EYA4: variants seen among roughly 807,000 people sequenced by gnomAD.
EYA4 encodes the protein EYA transcriptional coactivator and phosphatase 4, also known as protein phosphatase EYA4.
In EYA4, 31 loss-of-function variants were observed where a neutral mutation model predicts 87.9. The observed-to-expected ratio is 0.35, with a 90% confidence interval of 0.27 to 0.48. The LOEUF (loss-of-function observed/expected upper bound fraction) is 0.48, where lower values mean the gene tolerates loss of function less well. Among genes scored for constraint, EYA4 ranks in the 20% least tolerant of loss-of-function variants. The probability of loss-of-function intolerance (pLI) is 0.99; values close to 1 mark genes in which losing one functional copy is unlikely to be tolerated. For missense variants in EYA4, 678 were observed against 761.4 expected, an observed-to-expected ratio of 0.89 and a Z score of 1.29; for synonymous variants, 263 against 270.6, an observed-to-expected ratio of 0.97 and a Z score of 0.28.
intron 2 of EYA4, among the ~76,000 whole-genome samples, chr6:133,279,675 CTT>C (rs1051374473): frequency 4.6e-5 from 7 of 152,016 alleles, no homozygotes; most frequent in Admixed American, 3.3e-4. Flanking sequence ...TTATCTCTCT[CTT>C]GTTTTTCCTT....
At chr6:133,488,111 G>A (rs1796834980) in intron 13 of EYA4, among the ~76,000 whole-genome samples, 1 of 152,196 alleles carries the variant, frequency 6.6e-6, no homozygotes, top group African/African-American at 2.4e-5. Flanking sequence ...CTTGCCATGG[G>A]CCTGGAGCAG....
At chr6:133,511,109 G>A (rs2128775781) in intron 14 of EYA4, among the ~76,000 whole-genome samples, 1 of 152,286 alleles carries the variant, frequency 6.6e-6, no homozygotes, top group South Asian at 2.1e-4. Context: ...AGAAGGTACT[G>A]ATTGGGCTAG....
intron 17 of EYA4, among the ~76,000 whole-genome samples, chr6:133,522,314 G>T (rs1362137919): frequency 6.6e-6 from 1 of 150,502 alleles, no homozygotes; most frequent in Non-Finnish European, 1.5e-5. Flanking sequence ...ACAAAACAAT[G>T]TATAAAAACT....
intron 13 of EYA4, among the ~76,000 whole-genome samples, chr6:133,503,497 C>T (rs183698944): frequency 6.6e-6 from 1 of 152,296 alleles, no homozygotes; most frequent in Admixed American, 6.5e-5. Flanking sequence ...TCATCAGAAA[C>T]ATAACAGACT....
At chr6:133,368,978 C>T (rs2128460311) in intron 2 of EYA4, among the ~76,000 whole-genome samples, 1 of 152,268 alleles carries the variant, frequency 6.6e-6, no homozygotes, top group Non-Finnish European at 1.5e-5. Context: ...TTACTCTTTT[C>T]CTGTACGTCA....
intron 1 of EYA4, among the ~76,000 whole-genome samples, chr6:133,272,487 A>C (rs955292221): frequency 3.3e-5 from 5 of 152,216 alleles, no homozygotes; most frequent in Non-Finnish European, 7.3e-5. Flanking sequence ...CTCCCAGTTC[A>C]TGATAGCCAG....
At chr6:133,244,523 G>T (rs1774246739) in intron 1 of EYA4, among the ~76,000 whole-genome samples, 1 of 151,502 alleles carries the variant, frequency 6.6e-6, no homozygotes, top group South Asian at 2.1e-4. Flanking sequence ...AGAAGCTGGA[G>T]AAAAAAATTG....
chr6:133,273,980 GGT>G (rs1053758888), intron 1 of EYA4, among the ~76,000 whole-genome samples: 6 of 151,938 alleles, frequency 3.9e-5, no homozygotes, highest in African/African-American at 9.7e-5. Flanking sequence ...TTGGGTTTTT[GGT>G]GTGTCTTCTA....
At chr6:133,242,648 T>C (rs1445293532) in intron 1 of EYA4, among the ~76,000 whole-genome samples, 2 of 152,108 alleles carry the variant, frequency 1.3e-5, no homozygotes, top group African/African-American at 4.8e-5. Context: ...ACCCGAACTT[T>C]CGTTTGGTAG....
At chr6:133,427,519 C>T (rs1790775945) in intron 3 of EYA4, among the ~76,000 whole-genome samples, 1 of 152,104 alleles carries the variant, frequency 6.6e-6, no homozygotes, top group African/African-American at 2.4e-5. Flanking sequence ...TGTATTTTGA[C>T]AGGGGTAAGG....
At chr6:133,316,811 C>T (rs190267428) in intron 2 of EYA4, among the ~76,000 whole-genome samples, 1 of 152,290 alleles carries the variant, frequency 6.6e-6, no homozygotes, top group East Asian at 1.9e-4. Flanking sequence ...TGAGCTGGAG[C>T]TAGGGCTCTC....
At chr6:133,434,404 T>A (rs1421655240) in intron 3 of EYA4, among the ~76,000 whole-genome samples, 1 of 152,228 alleles carries the variant, frequency 6.6e-6, no homozygotes, top group Non-Finnish European at 1.5e-5. Context: ...TGTTTTATTG[T>A]CTGTGTTGTA....
Position 133,288,060 on chromosome 6 carries a change from C to T in EYA4, c.33+13247C>T, listed in dbSNP as rs143173189. The stretch of plus-strand genomic sequence containing the variant: ...AGAAGAATCGCTGGAACCCAGGAGT[C>T]GGAGGTGGCAGTGAGCCAAGATCAT... On this transcript the variant is annotated intron_variant, in intron 2 of 19. Coordinates refer to ENST00000355286, the MANE Select transcript of EYA4 (RefSeq NM_004100.5). Among the ~76,000 whole-genome samples, 1,080 of 152,148 alleles carry T rather than the reference C, an allele frequency of 7.1e-3. 10 individuals carry two copies. The highest frequency in any genetic ancestry group is 0.025 in the African/African-American group (1,044 of 41,480).
chr6:133,316,641 C>G (rs1443786944), intron 2 of EYA4, among the ~76,000 whole-genome samples: 1 of 152,204 alleles, frequency 6.6e-6, no homozygotes, highest in Non-Finnish European at 1.5e-5. Flanking sequence ...CCCTGCTGTA[C>G]TTGTACATGG....
chr6:133,303,330 G>T (rs988547955), intron 2 of EYA4, among the ~76,000 whole-genome samples: 2 of 152,102 alleles, frequency 1.3e-5, no homozygotes, highest in African/African-American at 2.4e-5. Context: ...TTGTCATTTG[G>T]ATTTCATGGT....
At chr6:133,385,685 A>G (rs1351657528) in intron 3 of EYA4, among the ~76,000 whole-genome samples, 1 of 152,136 alleles carries the variant, frequency 6.6e-6, no homozygotes, top group African/African-American at 2.4e-5. Flanking sequence ...ATAAATGCAG[A>G]TGGAAAGTGT....
chr6:133,297,370 C>T (rs988517236), intron 2 of EYA4, among the ~76,000 whole-genome samples: 3 of 152,186 alleles, frequency 2.0e-5, no homozygotes, highest in East Asian at 1.9e-4. Flanking sequence ...TTGAATATTG[C>T]GGGCTTGTGG....
intron 2 of EYA4, among the ~76,000 whole-genome samples, chr6:133,379,072 C>T (rs1785950355): frequency 6.6e-6 from 1 of 151,854 alleles, no homozygotes; most frequent in African/African-American, 2.4e-5. Flanking sequence ...GAAATTCTGA[C>T]TCATTTCTTG....
intron 13 of EYA4, among the ~76,000 whole-genome samples, chr6:133,501,012 C>G (rs1397527006): frequency 1.3e-5 from 2 of 152,144 alleles, no homozygotes; most frequent in Non-Finnish European, 2.9e-5. Context: ...ATCCTTGTTT[C>G]CTTTCCCTTC....
Sources: allele counts gnomAD v4.1 joint callset (sites outside exome capture counted in the v4.1 genomes callset), GRCh38; gene constraint gnomAD v4.1.1; transcripts MANE v1.5; gene names NCBI Gene and HGNC (gene_info 2026-07-23, HGNC 2026-07-21).